ELAPOR2: variants seen among roughly 807,000 people sequenced by gnomAD.
ELAPOR2 encodes the protein endosome/lysosome-associated apoptosis and autophagy regulator family member 2.
Under a neutral mutation model 120.7 loss-of-function variants are expected in ELAPOR2, and 89 were observed. The ratio of observed to expected loss-of-function variants is 0.74; its 90% CI spans 0.62 to 0.88. The LOEUF (loss-of-function observed/expected upper bound fraction) is 0.88, where lower values mean the gene tolerates loss of function less well. Among genes scored for constraint, ELAPOR2 ranks in the 40% least tolerant of loss-of-function variants. ELAPOR2 has a pLI of 0.00. For synonymous variants in ELAPOR2, 444 were observed against 444.9 expected (o/e 1.00, Z 0.03); for missense variants, 1,134 against 1,251.6 (o/e 0.91, Z 1.42).
intron 10 of ELAPOR2, among the ~76,000 whole-genome samples, chr7:86,924,754 TTG>T (rs199825362): frequency 6.7e-5 from 10 of 149,998 alleles, no homozygotes; most frequent in African/African-American, 1.7e-4. Flanking sequence ...GCTTTTTTTT[TTG>T]AATAGATATT....
chr7:86,933,728 C>T (rs1437605563), intron 8 of ELAPOR2, among the ~76,000 whole-genome samples: 1 of 152,032 alleles, frequency 6.6e-6, no homozygotes, highest in Admixed American at 6.6e-5. Flanking sequence ...TCCCTCACCC[C>T]TCACTAATAG....
intron 1 of ELAPOR2, among the ~76,000 whole-genome samples, chr7:86,990,019 A>T (rs1792888958): frequency 6.6e-6 from 1 of 151,610 alleles, no homozygotes; most frequent in African/African-American, 2.4e-5. Flanking sequence ...AGGTGATTGG[A>T]TCATGAGGGT....
At chr7:87,042,680 C>G (rs1794824081) in intron 1 of ELAPOR2, among the ~76,000 whole-genome samples, 3 of 152,070 alleles carry the variant, frequency 2.0e-5, no homozygotes, top group African/African-American at 4.8e-5. Flanking sequence ...AATTGGCACC[C>G]TAACATCACA....
At chr7:86,968,641 G>A (rs374597030) in intron 1 of ELAPOR2, among the ~76,000 whole-genome samples, 7 of 152,138 alleles carry the variant, frequency 4.6e-5, no homozygotes, top group East Asian at 1.9e-4. Flanking sequence ...CATTCTGAAA[G>A]GTGCACTAAA....
intron 1 of ELAPOR2, among the ~76,000 whole-genome samples, chr7:87,052,506 A>G (rs1307071676): frequency 6.6e-6 from 1 of 152,168 alleles, no homozygotes; most frequent in African/African-American, 2.4e-5. Flanking sequence ...TCCTTTCTTT[A>G]TACTGAGCGC....
chr7:86,985,541 C>G (rs1242832448), intron 1 of ELAPOR2, among the ~76,000 whole-genome samples: 2 of 152,158 alleles, frequency 1.3e-5, no homozygotes, highest in Non-Finnish European at 2.9e-5. Context: ...TCAACATACG[C>G]AAATCAATAA....
chr7:86,983,091 T>C (rs575888852), intron 1 of ELAPOR2, among the ~76,000 whole-genome samples: 11 of 152,224 alleles, frequency 7.2e-5, no homozygotes, highest in African/African-American at 1.9e-4. Flanking sequence ...GTATCAGTGA[T>C]TGCAGATTGA....
At chr7:86,888,824 C>T (rs1484462102) in intron 21 of ELAPOR2, among the ~76,000 whole-genome samples, 2 of 152,118 alleles carry the variant, frequency 1.3e-5, no homozygotes, top group Admixed American at 6.6e-5. Flanking sequence ...AAAGAAGCCA[C>T]TTACAGGAAC....
intron 3 of ELAPOR2, among the ~76,000 whole-genome samples, chr7:86,945,274 A>G (rs1196447061): frequency 6.6e-6 from 1 of 152,196 alleles, no homozygotes; most frequent in African/African-American, 2.4e-5. Flanking sequence ...TCTGCTAAGA[A>G]ATTGTTATTT....
At chr7:86,968,712 G>A (rs577258106) in intron 1 of ELAPOR2, among the ~76,000 whole-genome samples, 1 of 151,506 alleles carries the variant, frequency 6.6e-6, no homozygotes, top group African/African-American at 2.4e-5. Context: ...TCCTGAAAAG[G>A]GGAAAATTCT....
intron 1 of ELAPOR2, among the ~76,000 whole-genome samples, chr7:87,034,781 G>A (rs1271682326): frequency 2.0e-5 from 3 of 152,096 alleles, no homozygotes; most frequent in Non-Finnish European, 1.5e-5. Context: ...TGCTAAGTAA[G>A]ACAGAATAAG....
At chr7:87,031,775 A>G (rs1794429130) in intron 1 of ELAPOR2, among the ~76,000 whole-genome samples, 1 of 152,168 alleles carries the variant, frequency 6.6e-6, no homozygotes, top group Non-Finnish European at 1.5e-5. Flanking sequence ...CTATGATTAC[A>G]ACTATATTAT....
intron 1 of ELAPOR2, among the ~76,000 whole-genome samples, chr7:87,033,616 CAAAT>C (rs1006582338): frequency 6.3e-4 from 96 of 151,862 alleles, no homozygotes; most frequent in African/African-American, 2.2e-3. Context: ...ACATTTTTTC[CAAAT>C]AAATGGGCGA....
At chr7:86,932,977 A>G (rs1365827028) in intron 8 of ELAPOR2, among the ~76,000 whole-genome samples, 2 of 151,878 alleles carry the variant, frequency 1.3e-5, no homozygotes, top group African/African-American at 2.4e-5. Context: ...ATTGATATAC[A>G]TATTCTTAAT....
intron 1 of ELAPOR2, among the ~76,000 whole-genome samples, chr7:87,010,549 T>C (rs1432172533): frequency 6.6e-6 from 1 of 152,236 alleles, no homozygotes; most frequent in East Asian, 1.9e-4. Context: ...TCTATTGTTT[T>C]TTAGAGCTGG....
In ELAPOR2 at chr7:86,891,728, G is replaced by T; in HGVS notation, c.3026C>A (p.Thr1009Asn). 1.2e-6 allele frequency: 2 copies of T among 1,605,410 alleles called. No individual in the cohort carries two copies. The highest frequency in any genetic ancestry group is 2.2e-5 in the East Asian group (1 of 44,532). ...SLLGKLKSLA[T>N]KEKEDHFESV... is the part of the protein sequence containing the mutation. ...AGGTTAAAATTCTACTCTCACCTTG[G>T]TTGCCAAAGATTTGAGTTTTCCTAG... The change falls in exon 21 of 22, where the codon ACC (threonine) becomes AAC (asparagine). Residue 1009 changes from threonine to asparagine, a missense_variant. By Grantham distance (65) the Thr-to-Asn change is moderately conservative (BLOSUM62 0). Coordinates refer to ENST00000450689, the MANE Select transcript of ELAPOR2 (RefSeq NM_001142749.3).
chr7:86,913,342 A>G (rs1028211261), intron 13 of ELAPOR2, 138 bp from the exon 14 acceptor site: 1 of 783,042 alleles, frequency 1.3e-6, no homozygotes, highest in Non-Finnish European at 2.0e-6. Flanking sequence ...ATAGATTAAT[A>G]TCACTGCTAT....
At chr7:87,054,274 C>T (rs1165277898) in intron 1 of ELAPOR2, among the ~76,000 whole-genome samples, 4 of 152,120 alleles carry the variant, frequency 2.6e-5, no homozygotes, top group Admixed American at 2.0e-4. Context: ...GATAGGAAAA[C>T]GTGCCACTCT....
At chr7:86,932,847 T>C (rs1486731729) in intron 8 of ELAPOR2, among the ~76,000 whole-genome samples, 1 of 151,968 alleles carries the variant, frequency 6.6e-6, no homozygotes, top group Non-Finnish European at 1.5e-5. Context: ...AGTGCTTTTA[T>C]ATCTGAGAGT....
Sources: allele counts gnomAD v4.1 joint callset (sites outside exome capture counted in the v4.1 genomes callset), GRCh38; gene constraint gnomAD v4.1.1; transcripts MANE v1.5; gene names NCBI Gene and HGNC (gene_info 2026-07-23, HGNC 2026-07-21).